GABRB3: variants seen among roughly 807,000 people sequenced by gnomAD.
GABRB3 encodes the protein gamma-aminobutyric acid type A receptor subunit beta3.
A neutral mutation model predicts 52.1 loss-of-function variants in GABRB3; 14 were observed. That is an observed-to-expected ratio of 0.27 (90% CI 0.18 to 0.42). GABRB3 has a LOEUF of 0.42. Among genes scored for constraint, GABRB3 ranks in the 10% least tolerant of loss-of-function variants. The pLI, the probability that GABRB3 is intolerant of heterozygous loss-of-function variation, is 1.00. For missense variants in GABRB3, 307 were observed against 609.1 expected (o/e 0.50, Z 5.22); for synonymous variants, 260 against 232.3 (o/e 1.12, Z -1.08).
intron 7 of GABRB3, among the ~76,000 whole-genome samples, chr15:26,561,408 T>C (rs552786745): frequency 1.1e-3 from 161 of 152,128 alleles, no homozygotes; most frequent in Admixed American, 4.3e-3. Flanking sequence ...GTGCAGGGCA[T>C]CTCCCTCCCC....
In GABRB3 at chr15:26,721,057, G is replaced by T. The variant is rs191496372; in HGVS notation, c.240+51345C>A. Among the ~76,000 whole-genome samples, 6 of 151,994 alleles carry T rather than the reference G, an allele frequency of 3.9e-5. No individual in the cohort carries two copies. In the East Asian group the frequency reaches 1.2e-3, roughly 29 times the overall value. On this transcript the variant is annotated intron_variant, in intron 3 of 8. Transcript: ENST00000311550. ...GCAAGGCTTTCACCCTCCTCCATCC[G>T]CCCAGGGGTCCCCACAAGCTCTCCC...
chr15:26,694,810 G>A (rs1888687015), intron 3 of GABRB3, among the ~76,000 whole-genome samples: 1 of 152,150 alleles, frequency 6.6e-6, no homozygotes, highest in African/African-American at 2.4e-5. Context: ...TAGAAAAAAT[G>A]TGCACAGTAT....
intron 3 of GABRB3, among the ~76,000 whole-genome samples, chr15:26,750,527 G>A (rs1158707645): frequency 6.7e-6 from 1 of 150,064 alleles, no homozygotes; most frequent in African/African-American, 2.4e-5. Context: ...CAGCTGACAT[G>A]GTACCTATCT....
intron 4 of GABRB3, among the ~76,000 whole-genome samples, chr15:26,602,935 T>G (rs531057756): frequency 1.1e-3 from 171 of 151,930 alleles, no homozygotes; most frequent in African/African-American, 4.0e-3. Flanking sequence ...CTAAATGAAT[T>G]TGAAATGAAG....
rs1251240899 is a variant in GABRB3, at chr15:26,607,852, G to A, written c.461+13462C>T. Among the ~76,000 whole-genome samples the A allele has an allele frequency of 2.0e-5, 3 of 151,954 alleles. No individual in the cohort carries two copies. In the East Asian group the frequency reaches 5.8e-4, roughly 29 times the overall value. ...AAAAAGATACAAATGAAATATATCT[G>A]TATTAGAAGGATTACTATTATTAAA... On this transcript the variant is annotated intron_variant, in intron 4 of 8. Transcript: ENST00000311550.
chr15:26,747,015 CA>C (rs896068327), intron 3 of GABRB3, among the ~76,000 whole-genome samples: 1 of 150,850 alleles, frequency 6.6e-6, no homozygotes, highest in African/African-American at 2.4e-5. Context: ...AACAAACAAA[CA>C]AATAATCAGT....
intron 3 of GABRB3, among the ~76,000 whole-genome samples, chr15:26,701,105 T>C (rs574976580): frequency 6.6e-6 from 1 of 152,086 alleles, no homozygotes; most frequent in African/African-American, 2.4e-5. Flanking sequence ...AAGAGGACTT[T>C]CTCAACTTGA....
chr15:26,712,914 G>A (rs765235880), intron 3 of GABRB3, among the ~76,000 whole-genome samples: 1 of 152,314 alleles, frequency 6.6e-6, no homozygotes, highest in South Asian at 2.1e-4. Flanking sequence ...CCAGCCACAG[G>A]AAGCAGCACA....
At chr15:26,689,073 C>T (rs773396272) in intron 3 of GABRB3, among the ~76,000 whole-genome samples, 9 of 152,192 alleles carry the variant, frequency 5.9e-5, no homozygotes, top group Non-Finnish European at 1.2e-4. Flanking sequence ...AATCACAAGG[C>T]CTCTTTATGA....
At position 26,580,412 on chromosome 15, in the gene GABRB3, C is replaced by T. The variant is rs375461837; in HGVS notation, c.589G>A (p.Asp197Asn). 14 of 1,614,182 alleles carry T rather than the reference C, an allele frequency of 8.7e-6. No homozygotes were observed. The East Asian group carries it at 1.1e-4, about 13-fold the overall frequency. ...DDIEFYWRGG[D>N]KAVTGVERIE... ...CTTTCCACTCCGGTAACAGCCTTGT[C>T]CCCGCCTCGCCAGTAAAACTCAATG... Residue 197 changes from aspartate to asparagine, a missense_variant, in exon 6 of 9, where the codon GAC becomes AAC. Coordinates refer to ENST00000311550, the MANE Select transcript of GABRB3 (RefSeq NM_000814.6).
chr15:26,548,089 T>C lies in GABRB3; in HGVS notation c.1126A>G (p.Asn376Asp). 6.8e-6 allele frequency: 11 copies of C among 1,614,190 alleles called. No homozygotes were observed. The highest frequency in any genetic ancestry group is 8.5e-6 in the Non-Finnish European group (10 of 1,180,040). Residue 376 changes from asparagine (N) to aspartate (D), a missense_variant, in exon 9 of 9, where the codon AAT (asparagine) becomes GAT (aspartate). Physicochemically the swap from Asn to Asp is conservative, Grantham distance 23. Around this residue, in one of 6 missense-constraint regions of GABRB3, gnomAD observed 115 missense variants for 166.9 expected, o/e 0.69. Coordinates refer to ENST00000311550, the MANE Select transcript of GABRB3 (RefSeq NM_000814.6). ...NILLTSLEVH[N>D]EMNEVSGGIG... ...CCGCCTGAGACCTCATTCATTTCAT[T>C]GTGAACTTCCAGCGATGTCAACAGA...
At chr15:26,690,411 T>C (rs921097020) in intron 3 of GABRB3, among the ~76,000 whole-genome samples, 4 of 152,070 alleles carry the variant, frequency 2.6e-5, no homozygotes, top group African/African-American at 9.7e-5. Flanking sequence ...TTACAAAGAC[T>C]TGGGGACAAA....
At chr15:26,618,538 C>G (rs1438537968) in intron 4 of GABRB3, among the ~76,000 whole-genome samples, 1 of 152,122 alleles carries the variant, frequency 6.6e-6, no homozygotes, top group Non-Finnish European at 1.5e-5. Flanking sequence ...AAGACTTAAA[C>G]GTTAGACCTA....
chr15:26,620,888 A>C (rs1363975818), intron 4 of GABRB3, among the ~76,000 whole-genome samples: 1 of 152,202 alleles, frequency 6.6e-6, no homozygotes, highest in Non-Finnish European at 1.5e-5. Context: ...TACCTCAATA[A>C]AGCTCCGTAG....
At chr15:26,755,019 T>C (rs1890621555) in intron 3 of GABRB3, among the ~76,000 whole-genome samples, 1 of 151,512 alleles carries the variant, frequency 6.6e-6, no homozygotes, top group Non-Finnish European at 1.5e-5. Flanking sequence ...TTTTTTTTTT[T>C]TTTGAGACGG....
intron 7 of GABRB3, among the ~76,000 whole-genome samples, chr15:26,562,786 A>G (rs79988132): frequency 2.1e-4 from 32 of 152,318 alleles, no homozygotes; most frequent in Non-Finnish European, 4.0e-4. Context: ...CGCTCCCTCC[A>G]CTGAGCTCTG....
chr15:26,687,235 A>T (rs768023536), intron 3 of GABRB3, among the ~76,000 whole-genome samples: 1 of 152,342 alleles, frequency 6.6e-6, no homozygotes, highest in Admixed American at 6.5e-5. Flanking sequence ...TATTTTAAGG[A>T]TATTTCACAA....
chr15:26,701,013 C>T (rs1320519281), intron 3 of GABRB3, among the ~76,000 whole-genome samples: 1 of 151,912 alleles, frequency 6.6e-6, no homozygotes, highest in Non-Finnish European at 1.5e-5. Context: ...CGAGATCGCA[C>T]CACTGCACTC....
intron 3 of GABRB3, among the ~76,000 whole-genome samples, chr15:26,669,888 T>C (rs752664879): frequency 2.6e-5 from 4 of 152,214 alleles, no homozygotes; most frequent in Non-Finnish European, 4.4e-5. Context: ...TTCCTGTGAT[T>C]CCCTTTCTCA....
Sources: gnomAD v4.1 joint callset for allele counts (sites outside exome capture counted in the v4.1 genomes callset) on GRCh38, gnomAD v4.1.1 for gene constraint, gnomAD v4.1.1 regional missense constraint, MANE v1.5 for transcripts, NCBI Gene and HGNC (gene_info 2026-07-23, HGNC 2026-07-21) for gene names.